DLGAP2: variants seen among roughly 807,000 people sequenced by gnomAD.
DLGAP2 encodes disks large-associated protein 2.
Under a neutral mutation model 100.3 loss-of-function variants are expected in DLGAP2, and 26 were observed. The ratio of observed to expected loss-of-function variants is 0.26; its 90% confidence interval spans 0.19 to 0.36. The LOEUF is 0.36. DLGAP2 is among the 10% of genes least tolerant of loss of function. The probability of loss-of-function intolerance (pLI) is 1.00; values close to 1 mark genes in which losing one functional copy is unlikely to be tolerated. For synonymous variants in DLGAP2, 886 were observed against 630.1 expected (o/e 1.41, Z -6.08); for missense variants, 1,858 against 1,453.2 (o/e 1.28, Z -4.53).
intron 1 of DLGAP2, among the ~76,000 whole-genome samples, chr8:815,935 G>T (rs772201203): frequency 1.3e-5 from 2 of 152,000 alleles, no homozygotes; most frequent in African/African-American, 4.8e-5. Context: ...TTTTCCTGTT[G>T]GACTAGTCCT....
intron 2 of DLGAP2, among the ~76,000 whole-genome samples, chr8:1,227,905 C>G (rs890954553): frequency 3.3e-5 from 5 of 152,148 alleles, no homozygotes; most frequent in Non-Finnish European, 5.9e-5. Context: ...CTTAGCTGCT[C>G]TTGCTATACA....
At chr8:1,221,361 T>C (rs1331708637) in intron 2 of DLGAP2, among the ~76,000 whole-genome samples, 1 of 152,218 alleles carries the variant, frequency 6.6e-6, no homozygotes, top group East Asian at 1.9e-4. Context: ...TTATGAAGCA[T>C]AGTTTGGCTG....
At chr8:1,454,825 G>A (rs556242851) in intron 3 of DLGAP2, among the ~76,000 whole-genome samples, 9 of 152,130 alleles carry the variant, frequency 5.9e-5, no homozygotes, top group Non-Finnish European at 8.8e-5. Context: ...TCAGACCTTC[G>A]ATACCCCATC....
chr8:1,508,893 T>A (rs1359047487), intron 4 of DLGAP2, among the ~76,000 whole-genome samples: 1 of 152,050 alleles, frequency 6.6e-6, no homozygotes, highest in Admixed American at 6.6e-5. Flanking sequence ...GGATCTAATA[T>A]TGCCACATTC....
intron 2 of DLGAP2, among the ~76,000 whole-genome samples, chr8:1,165,132 G>A (rs1044183548): frequency 1.4e-5 from 2 of 142,034 alleles, no homozygotes; most frequent in Non-Finnish European, 3.1e-5. Context: ...CAGATAGAGA[G>A]AGAGGAAGAC....
intron 2 of DLGAP2, among the ~76,000 whole-genome samples, chr8:1,155,459 A>G (rs1157964094): frequency 6.6e-6 from 1 of 151,976 alleles, no homozygotes; most frequent in Admixed American, 6.5e-5. Flanking sequence ...TCTTTTAGCA[A>G]CCTTAGAAAA....
chr8:1,051,194 G>A (rs1585015076), intron 2 of DLGAP2, among the ~76,000 whole-genome samples: 2 of 152,164 alleles, frequency 1.3e-5, no homozygotes, highest in Middle Eastern at 6.8e-3. Flanking sequence ...GCACCACCTC[G>A]AAGCACAACT....
At chr8:805,646 C>A (rs1250627236) in intron 1 of DLGAP2, among the ~76,000 whole-genome samples, 1 of 152,110 alleles carries the variant, frequency 6.6e-6, no homozygotes, top group African/African-American at 2.4e-5. Flanking sequence ...CTCTTTCTGT[C>A]ACCCAGGCTG....
At chr8:1,659,832 G>A (rs62483115) in intron 8 of DLGAP2, among the ~76,000 whole-genome samples, 6,607 of 152,148 alleles carry the variant, frequency 0.043, 208 homozygotes, top group Middle Eastern at 0.071. Flanking sequence ...GGGGCATTTA[G>A]CCTGTTTACA....
chr8:1,292,746 C>T (rs1800087104), intron 3 of DLGAP2, among the ~76,000 whole-genome samples: 1 of 152,084 alleles, frequency 6.6e-6, no homozygotes, highest in African/African-American at 2.4e-5. Context: ...GAGCTGGTCA[C>T]ATTGTGTTGC....
At chr8:1,121,337 C>T (rs1796042008) in intron 2 of DLGAP2, among the ~76,000 whole-genome samples, 1 of 151,952 alleles carries the variant, frequency 6.6e-6, no homozygotes, top group Non-Finnish European at 1.5e-5. Flanking sequence ...CCCATGACCA[C>T]CCATCCTCGC....
At chr8:1,341,006 C>G (rs1396652933) in intron 3 of DLGAP2, among the ~76,000 whole-genome samples, 3 of 152,162 alleles carry the variant, frequency 2.0e-5, no homozygotes, top group African/African-American at 7.2e-5. Context: ...ACTGCATGTT[C>G]TCACCTGTAA....
intron 3 of DLGAP2, among the ~76,000 whole-genome samples, chr8:1,435,199 G>C (rs928771634): frequency 1.3e-5 from 2 of 152,204 alleles, no homozygotes; most frequent in Non-Finnish European, 2.9e-5. Context: ...CATTAGCTGT[G>C]TGACTTGAGC....
intron 3 of DLGAP2, among the ~76,000 whole-genome samples, chr8:1,497,304 T>C (rs1158287496): frequency 6.6e-6 from 1 of 152,122 alleles, no homozygotes; most frequent in African/African-American, 2.4e-5. Flanking sequence ...ACACATGGGA[T>C]GGGATAGCGT....
At chr8:1,530,746 A>C (rs1800962963) in intron 4 of DLGAP2, among the ~76,000 whole-genome samples, 1 of 152,252 alleles carries the variant, frequency 6.6e-6, no homozygotes, top group Admixed American at 6.5e-5. Context: ...CCATGGCTTC[A>C]GCCAGTCCCT....
intron 2 of DLGAP2, among the ~76,000 whole-genome samples, chr8:1,113,700 C>A (rs1404324298): frequency 6.6e-6 from 1 of 151,968 alleles, no homozygotes; most frequent in African/African-American, 2.4e-5. Context: ...TTTTCTATTG[C>A]CTGATTGCCC....
chr8:1,244,521 T>G (rs1214544918), intron 2 of DLGAP2, among the ~76,000 whole-genome samples: 1 of 152,152 alleles, frequency 6.6e-6, no homozygotes, highest in Non-Finnish European at 1.5e-5. Flanking sequence ...CACCAAAGGG[T>G]CAATATTTGC....
chr8:1,254,483 C>G (rs983436679), intron 2 of DLGAP2, among the ~76,000 whole-genome samples: 4 of 152,174 alleles, frequency 2.6e-5, no homozygotes. Context: ...TGGGCCTCCT[C>G]GGAGCCTCTA....
chr8:757,147 C>A (rs888300877), intron 1 of DLGAP2, among the ~76,000 whole-genome samples: 1 of 152,184 alleles, frequency 6.6e-6, no homozygotes, highest in African/African-American at 2.4e-5. Context: ...GCTCTCTGTC[C>A]CCTTCCCTTT....
Sources: gnomAD v4.1 joint callset for allele counts (sites outside exome capture counted in the v4.1 genomes callset) on GRCh38, gnomAD v4.1.1 for gene constraint, MANE v1.5 for transcripts, NCBI Gene and HGNC (gene_info 2026-07-23, HGNC 2026-07-21) for gene names.